IGHMBP2: variants seen among roughly 807,000 people sequenced by gnomAD.
IGHMBP2 encodes the protein immunoglobulin mu DNA binding protein 2, also known as DNA-binding protein SMUBP-2.
In IGHMBP2, 81 loss-of-function variants were observed where a neutral mutation model predicts 96.0. The ratio of observed to expected loss-of-function variants is 0.84; its 90% CI spans 0.71 to 1.01. The LOEUF is 1.01. IGHMBP2 is among the 50% of genes least tolerant of loss of function. IGHMBP2 has a pLI of 0.00. For missense variants in IGHMBP2, 1,227 were observed against 1,306.3 expected (o/e 0.94, Z 0.94); for synonymous variants, 557 against 548.9 (o/e 1.01, Z -0.21).
intron 12 of IGHMBP2, among the ~76,000 whole-genome samples, chr11:68,935,902 A>G (rs1859506613): frequency 1.3e-5 from 2 of 152,212 alleles, no homozygotes; most frequent in Non-Finnish European, 1.5e-5. Flanking sequence ...GCTAGAAGCT[A>G]TGGGGGAAAG....
In IGHMBP2 at chr11:68,935,331, G is replaced by T; in HGVS notation, c.1665G>T (p.Arg555Ser). ...TGCTCAGACAGAGCCTTGTGCACAG[G>T]CACCCTGAGCTTGAAATCAAGTCTG... ...VDLLRQSLVHRHPELEIKSVD... is the reference protein window; with the variant it reads ...VDLLRQSLVHSHPELEIKSVD... The change falls in exon 12 of 15, where the codon AGG (arginine) becomes AGT (serine). Residue 555 changes from arginine to serine, a missense_variant. Physicochemically the swap from Arg to Ser is moderately radical, Grantham distance 110. Around this residue, in one of 3 missense-constraint regions of IGHMBP2, gnomAD observed 703 missense variants for 770.3 expected, o/e 0.91. Coordinates refer to ENST00000255078, the MANE Select transcript of IGHMBP2 (RefSeq NM_002180.3). 6.2e-7 allele frequency: 1 copy of T among 1,614,146 alleles called. No individual in the cohort carries two copies. Among genetic ancestry groups the T allele is most frequent in the Non-Finnish European group, 8.5e-7 (1 of 1,180,032 alleles).
chr11:68,905,212 T>C (rs1858141351), intron 1 of IGHMBP2, among the ~76,000 whole-genome samples: 1 of 152,250 alleles, frequency 6.6e-6, no homozygotes, highest in South Asian at 2.1e-4. Context: ...GGCAGTCTGC[T>C]TCCAGAGTTT....
At chr11:68,927,066 A>G (rs1859098768) in intron 7 of IGHMBP2, among the ~76,000 whole-genome samples, 1 of 152,196 alleles carries the variant, frequency 6.6e-6, no homozygotes, top group African/African-American at 2.4e-5. Context: ...CCTGGCCTCA[A>G]GTATCTGTTG....
At position 68,908,182 on chromosome 11, in the gene IGHMBP2, C is replaced by A. The variant is rs770139089; in HGVS notation, c.294C>A (p.Gly98=). The part of the protein sequence containing the change: ...IVGLYDAANE[G]SQLATGILTR... ...GCCTGTACGATGCTGCTAATGAGGG[C>A]AGTCAGCTGGCCACTGGGATCTTGA... is the stretch of plus-strand genomic sequence containing the variant. The change falls in exon 3 of 15, where the codon GGC becomes GGA. Residue 98 remains glycine, a synonymous_variant. Coordinates refer to ENST00000255078, the MANE Select transcript of IGHMBP2 (RefSeq NM_002180.3). 1.2e-6 allele frequency: 2 copies of A among 1,613,926 alleles called. No homozygotes were observed. The highest frequency in any genetic ancestry group is 2.7e-5 in the African/African-American group (2 of 74,978).
chr11:68,933,667 T>C (rs1859406632), intron 9 of IGHMBP2, 128 bp from the exon 10 acceptor site: 8 of 981,948 alleles, frequency 8.1e-6, no homozygotes, highest in Non-Finnish European at 1.3e-5. Flanking sequence ...TCCCTTCTGA[T>C]GTCCTGATGT....
In IGHMBP2 at chr11:68,937,035, A is replaced by G; in HGVS notation, c.2555A>G (p.Glu852Gly). 1 of 1,607,530 alleles carries G rather than the reference A, an allele frequency of 6.2e-7. No homozygotes were observed. The highest frequency in any genetic ancestry group is 1.1e-5 in the South Asian group (1 of 91,024). ...RSAQGQPASK[E>G]QQASGQQKLP... is the part of the protein sequence containing the mutation. ...GCGCAGGGGCAGCCCGCCAGCAAGG[A>G]GCAGCAGGCCTCAGGGCAGCAGAAA... is the stretch of plus-strand genomic sequence containing the variant. The change falls in exon 13 of 15, where the codon GAG becomes GGG. Residue 852 changes from glutamate to glycine, a missense_variant. This residue lies in a region of IGHMBP2 where 703 missense variants were observed against 770.3 expected (regional missense o/e 0.91). Transcript: ENST00000255078.
rs774340320 is a variant in IGHMBP2 at position 68,936,514 on chromosome 11, G to A, written c.2034G>A (p.Gln678=). The A allele has an allele frequency of 4.3e-6, 7 of 1,613,476 alleles. No homozygotes were observed. The highest frequency in any genetic ancestry group is 5.1e-6 in the Non-Finnish European group (6 of 1,179,916). Reference sequence around the variant, plus strand: ...CTACGTCCACCAGGACCGGAAGCCAGCGGCAGGAGGGAGGCCAGGAGGCTG... The same window carrying A: ...CTACGTCCACCAGGACCGGAAGCCAACGGCAGGAGGGAGGCCAGGAGGCTG... ...GPATSTRTGS[Q]RQEGGQEAAA... Residue 678 remains glutamine (Q), a synonymous_variant, in exon 13 of 15, where the codon CAG becomes CAA. Transcript: ENST00000255078.
chr11:68,908,496 A>G (rs1303097279), intron 3 of IGHMBP2, 38 bp from the exon 4 acceptor site: 1 of 1,544,512 alleles, frequency 6.5e-7, no homozygotes, highest in African/African-American at 1.4e-5. Context: ...CGGGCACTGA[A>G]TTGCAGGTGT....
chr11:68,928,023 G>A (rs1400995456), intron 7 of IGHMBP2, among the ~76,000 whole-genome samples: 1 of 152,224 alleles, frequency 6.6e-6, no homozygotes, highest in Non-Finnish European at 1.5e-5. Flanking sequence ...AGCCTTTGGC[G>A]AGTTTCCAGA....
intron 7 of IGHMBP2, among the ~76,000 whole-genome samples, chr11:68,921,074 T>C (rs1858858358): frequency 6.6e-6 from 1 of 152,038 alleles, no homozygotes; most frequent in Non-Finnish European, 1.5e-5. Context: ...TTTTTGTAGA[T>C]AGCATATAGC....
intron 7 of IGHMBP2, among the ~76,000 whole-genome samples, chr11:68,925,693 T>C (rs1859038830): frequency 6.6e-6 from 1 of 152,242 alleles, no homozygotes; most frequent in Non-Finnish European, 1.5e-5. Flanking sequence ...TGTCTTAGTT[T>C]CTCCTTCATT....
Position 68,904,803 on chromosome 11 carries a change from C to CTTTTCTTTTTTTTTTTTTTTT in IGHMBP2, c.86+769_86+770insCTTTTTTTTTTTTTTTTTTTT, listed in dbSNP as rs892709461. ...GTGTAAGTTTCTTTTTTTTCTTTTT[C>CTTTTCTTTTTTTTTTTTTTTT]TTTTTTTTTTTTTTAGACAGAGTCT... is the stretch of plus-strand genomic sequence containing the variant. On this transcript the variant is annotated intron_variant, in intron 1 of 14. Coordinates refer to ENST00000255078, the MANE Select transcript of IGHMBP2 (RefSeq NM_002180.3). Among the ~76,000 whole-genome samples the CTTTTCTTTTTTTTTTTTTTTT allele has an allele frequency of 3.3e-5, 4 of 120,988 alleles. 1 individual carries two copies. Among genetic ancestry groups the CTTTTCTTTTTTTTTTTTTTTT allele is most frequent in the Non-Finnish European group, 3.4e-5 (2 of 58,298 alleles). The allele number at this position is 120,988 out of a possible 152,430, so 79.4% of individuals were successfully genotyped here. A position where few individuals can be genotyped will look rare whatever the true frequency, so the allele number is the denominator to read the frequency against.
intron 7 of IGHMBP2, chr11:68,926,469 C>T (rs894962220): frequency 6.6e-6 from 1 of 151,686 alleles, no homozygotes; most frequent in Non-Finnish European, 1.5e-5. Context: ...CTGGGTTTTA[C>T]CATGTTAGCC....
At chr11:68,923,100 G>A (rs770893416) in intron 7 of IGHMBP2, among the ~76,000 whole-genome samples, 14 of 152,038 alleles carry the variant, frequency 9.2e-5, no homozygotes, top group Non-Finnish European at 1.8e-4. Flanking sequence ...CTACCTTTTT[G>A]TAGGCCTGCT....
At chr11:68,913,739 C>G (rs1435751188) in intron 5 of IGHMBP2, among the ~76,000 whole-genome samples, 1 of 152,068 alleles carries the variant, frequency 6.6e-6, no homozygotes, top group Non-Finnish European at 1.5e-5. Context: ...GGCAACATAG[C>G]AAGACCCAGT....
chr11:68,929,095 C>G, intron 7 of IGHMBP2, 88 bp from the exon 8 acceptor site: 6 of 1,246,404 alleles, frequency 4.8e-6, no homozygotes, highest in Non-Finnish European at 7.0e-6. Context: ...TTGATGAAAC[C>G]CCAGCTTGAT....
chr11:68,938,139 G>T (rs1393520114), intron 13 of IGHMBP2, 43 bp from the exon 14 acceptor site: 3 of 1,606,518 alleles, frequency 1.9e-6, no homozygotes, highest in South Asian at 1.1e-5. Context: ...GAGGGGCCAG[G>T]TGTTGTCTTT....
At chr11:68,916,304 C>G (rs1209545255) in intron 6 of IGHMBP2, among the ~76,000 whole-genome samples, 1 of 152,198 alleles carries the variant, frequency 6.6e-6, no homozygotes, top group African/African-American at 2.4e-5. Context: ...AGCTTTCCGT[C>G]CATTCCACCT....
At chr11:68,919,440 T>C (rs1313210122) in intron 7 of IGHMBP2, among the ~76,000 whole-genome samples, 1 of 152,208 alleles carries the variant, frequency 6.6e-6, no homozygotes, top group Non-Finnish European at 1.5e-5. Context: ...TGGCTTACTT[T>C]CTGTTATTGG....
Sources: allele counts gnomAD v4.1 joint callset (sites outside exome capture counted in the v4.1 genomes callset), GRCh38; gene constraint gnomAD v4.1.1; regional missense constraint gnomAD v4.1.1; transcripts MANE v1.5; gene names NCBI Gene and HGNC (gene_info 2026-07-23, HGNC 2026-07-21).